Variants in STXBP6 observed in about 807,000 individuals in gnomAD.
The protein encoded by STXBP6 is syntaxin-binding protein 6.
A neutral mutation model predicts 26.9 loss-of-function variants in STXBP6; 21 were observed. The observed-to-expected ratio is 0.78, with a 90% CI of 0.55 to 1.12. The LOEUF is 1.12. Ranked by LOEUF, STXBP6 falls within the 50% of genes most tolerant of loss-of-function variation. The pLI, the probability that STXBP6 is intolerant of heterozygous loss-of-function variation, is 0.00. For synonymous variants in STXBP6, 97 were observed against 92.6 expected, an observed-to-expected ratio of 1.05 and a Z score of -0.27; for missense variants, 232 against 257.9, an observed-to-expected ratio of 0.90 and a Z score of 0.69.
chr14:24,835,192 A>T (rs1046565697), intron 4 of STXBP6, among the ~76,000 whole-genome samples: 6 of 152,196 alleles, frequency 3.9e-5, no homozygotes, highest in African/African-American at 1.4e-4. Context: ...TGGTGAAATG[A>T]CAAAGATGCA....
intron 2 of STXBP6, among the ~76,000 whole-genome samples, chr14:24,968,523 G>T (rs2073806083): frequency 6.6e-6 from 1 of 152,046 alleles, no homozygotes; most frequent in African/African-American, 2.4e-5. Flanking sequence ...ATTAAATTTG[G>T]TTACCCTAAT....
Position 24,819,100 on chromosome 14 carries a change from T to C in STXBP6, c.546A>G (p.Arg182=). The C allele has an allele frequency of 6.2e-7, 1 of 1,614,024 alleles. No individual in the cohort carries two copies. Among genetic ancestry groups the C allele is most frequent in the Non-Finnish European group, 8.5e-7 (1 of 1,179,912 alleles). The change falls in exon 5 of 6, where the codon CGA becomes CGG. Residue 182 remains arginine, a synonymous_variant. Transcript: ENST00000323944. ...ALNERGERLG[R]AEEKTEDLKN... is the part of the protein sequence containing the mutation. ...TCAGGTCTTCTGTCTTCTCCTCTGC[T>C]CGGCCTAATCGCTCTCCACGCTCAT... is the stretch of plus-strand genomic sequence containing the variant.
At chr14:24,983,952 T>C (rs1418576693) in intron 1 of STXBP6, among the ~76,000 whole-genome samples, 3 of 152,238 alleles carry the variant, frequency 2.0e-5, no homozygotes, top group Admixed American at 1.3e-4. Context: ...TAAAGTATTC[T>C]CTAAATCAAA....
chr14:24,992,606 T>C (rs948221908), intron 1 of STXBP6, among the ~76,000 whole-genome samples: 25 of 152,188 alleles, frequency 1.6e-4, no homozygotes, highest in Non-Finnish European at 1.5e-5. Context: ...CATAAATGAA[T>C]GGACGTCACT....
chr14:24,889,893 AGTTG>A (rs1410434257), intron 2 of STXBP6, among the ~76,000 whole-genome samples: 6 of 152,252 alleles, frequency 3.9e-5, no homozygotes, highest in Non-Finnish European at 8.8e-5. Flanking sequence ...GCACACTTGA[AGTTG>A]AGCTTTCAGT....
chr14:24,882,327 C>A (rs377343638), intron 2 of STXBP6, among the ~76,000 whole-genome samples: 3 of 123,330 alleles, frequency 2.4e-5, no homozygotes, highest in East Asian at 2.5e-4. Context: ...TGCAGTGAGC[C>A]GAGATCCCGC....
chr14:24,957,762 T>C (rs1245511825), intron 2 of STXBP6, among the ~76,000 whole-genome samples: 1 of 152,256 alleles, frequency 6.6e-6, no homozygotes, highest in Non-Finnish European at 1.5e-5. Context: ...AAAGGCCTAC[T>C]GGCCCTCTAG....
At chr14:25,037,928 A>T (rs772853081) in intron 1 of STXBP6, among the ~76,000 whole-genome samples, 1 of 152,214 alleles carries the variant, frequency 6.6e-6, no homozygotes, top group African/African-American at 2.4e-5. Context: ...TTATACCTCT[A>T]TATACCACTT....
At position 25,049,485 on chromosome 14, in the gene STXBP6, C is replaced by A. The variant is rs1026157887; in HGVS notation, c.-33+393G>T. The A allele has an allele frequency of 8.1e-6, 8 of 985,270 alleles. No individual in the cohort carries two copies. The highest frequency in any genetic ancestry group is 1.7e-5 in the African/African-American group (1 of 57,246). The allele number at this position is 985,270 out of a possible 1,614,324, so 61.0% of individuals were successfully genotyped here. A position where few individuals can be genotyped will look rare whatever the true frequency, so the allele number is the denominator to read the frequency against. On this transcript the variant is annotated intron_variant, in intron 1 of 5. Transcript: ENST00000323944. The surrounding 1 kb of genome is among the most constrained non-coding windows in gnomAD (Gnocchi z 5.6). Reference sequence around the variant, plus strand: ...GAGGCGCAGCGACCCCGAGCTCCCCCACACTGGGAGCCTCGGGGCAGCATT... The same window carrying A: ...GAGGCGCAGCGACCCCGAGCTCCCCAACACTGGGAGCCTCGGGGCAGCATT...
intron 5 of STXBP6, among the ~76,000 whole-genome samples, chr14:24,813,248 C>T (rs1033708841): frequency 5.9e-5 from 9 of 152,160 alleles, no homozygotes; most frequent in South Asian, 2.1e-4. Context: ...GTGTTACTGA[C>T]GAGGGCCAAA....
chr14:24,853,614 ACATGT>A (rs934404945), intron 4 of STXBP6, among the ~76,000 whole-genome samples: 2 of 152,124 alleles, frequency 1.3e-5, no homozygotes, highest in African/African-American at 4.8e-5. Context: ...TCTAACCTCT[ACATGT>A]GACACCTGGG....
intron 2 of STXBP6, among the ~76,000 whole-genome samples, chr14:24,869,006 C>T (rs1413577865): frequency 6.6e-6 from 1 of 152,212 alleles, no homozygotes; most frequent in Non-Finnish European, 1.5e-5. Flanking sequence ...CATGTGCTAT[C>T]TCATCTATCA....
chr14:24,966,389 G>GAAA (rs5807270), intron 2 of STXBP6, among the ~76,000 whole-genome samples: 1 of 142,374 alleles, frequency 7.0e-6, no homozygotes. Flanking sequence ...CCCTGTCTTG[G>GAAA]AAAAAAAAAA....
At chr14:24,926,244 AG>A in intron 2 of STXBP6, among the ~76,000 whole-genome samples, 1 of 152,216 alleles carries the variant, frequency 6.6e-6, no homozygotes, top group Non-Finnish European at 1.5e-5. Flanking sequence ...GCCTTGCTAA[AG>A]GGAGCAGAAC....
intron 4 of STXBP6, among the ~76,000 whole-genome samples, chr14:24,834,067 C>G (rs1361217949): frequency 6.6e-6 from 1 of 152,180 alleles, no homozygotes; most frequent in African/African-American, 2.4e-5. Context: ...ACGATCATGG[C>G]TCACTGCAGC....
chr14:24,812,777 T>C, intron 5 of STXBP6, 45 bp from the exon 6 acceptor site: 2 of 1,602,212 alleles, frequency 1.2e-6, no homozygotes, highest in Non-Finnish European at 1.7e-6. Flanking sequence ...TATTAGCAGG[T>C]ATTAGCAGAG....
intron 1 of STXBP6, among the ~76,000 whole-genome samples, chr14:24,979,455 C>CGGAAG (rs1676061178): frequency 6.6e-6 from 1 of 152,200 alleles, no homozygotes; most frequent in Non-Finnish European, 1.5e-5. Flanking sequence ...GTCTTTCCTA[C>CGGAAG]TTCAACGGAA....
chr14:24,864,700 A>G (rs1399336529), intron 2 of STXBP6, among the ~76,000 whole-genome samples: 2 of 152,156 alleles, frequency 1.3e-5, no homozygotes, highest in East Asian at 1.9e-4. Flanking sequence ...TACTAAACAT[A>G]TATCACTAGG....
chr14:24,992,808 T>C (rs2074508318), intron 1 of STXBP6, among the ~76,000 whole-genome samples: 1 of 152,126 alleles, frequency 6.6e-6, no homozygotes, highest in African/African-American at 2.4e-5. Context: ...GAATCAACCA[T>C]AAGTAACTCT....
Sources: gnomAD v4.1 joint callset for allele counts (sites outside exome capture counted in the v4.1 genomes callset) on GRCh38, gnomAD v4.1.1 for gene constraint, Gnocchi (gnomAD v3.1) non-coding constraint, MANE v1.5 for transcripts, NCBI Gene and HGNC (gene_info 2026-07-23, HGNC 2026-07-21) for gene names.